The following NPAS3 variants were observed in gnomAD, a reference collection of about 807,000 sequenced individuals.
NPAS3 encodes neuronal PAS domain protein 3, also known as neuronal PAS domain-containing protein 3.
In NPAS3, 14 loss-of-function variants were observed where a neutral mutation model predicts 73.1. That is an observed-to-expected ratio of 0.19 (90% CI 0.13 to 0.30). The LOEUF is 0.30. Among genes scored for constraint, NPAS3 ranks in the 10% least tolerant of loss-of-function variants. The pLI is 1.00. For synonymous variants in NPAS3, 620 were observed against 541.5 expected (o/e 1.14, Z -2.01); for missense variants, 1,096 against 1,250.0 (o/e 0.88, Z 1.86).
intron 5 of NPAS3, among the ~76,000 whole-genome samples, chr14:33,649,023 G>A (rs2058914158): frequency 6.6e-6 from 1 of 152,120 alleles, no homozygotes; most frequent in Non-Finnish European, 1.5e-5. Flanking sequence ...CTTACCATTG[G>A]GAGGTAGAGG....
At chr14:33,170,465 G>C (rs1261624150) in intron 2 of NPAS3, among the ~76,000 whole-genome samples, 1 of 152,126 alleles carries the variant, frequency 6.6e-6, no homozygotes, top group Non-Finnish European at 1.5e-5. Flanking sequence ...CTTAAAACAA[G>C]ACAATGATGA....
intron 7 of NPAS3, among the ~76,000 whole-genome samples, chr14:33,753,528 A>G (rs1286709556): frequency 6.6e-6 from 1 of 152,126 alleles, no homozygotes; most frequent in East Asian, 1.9e-4. Flanking sequence ...TAAGTAATGA[A>G]CCTTCCAGAG....
At chr14:33,010,493 A>G (rs892328765) in intron 1 of NPAS3, among the ~76,000 whole-genome samples, 2 of 152,236 alleles carry the variant, frequency 1.3e-5, no homozygotes, top group Admixed American at 6.5e-5. Flanking sequence ...GTCATTGATA[A>G]GTTCTTGGAA....
chr14:32,997,991 A>C (rs2038652560), intron 1 of NPAS3, among the ~76,000 whole-genome samples: 1 of 152,204 alleles, frequency 6.6e-6, no homozygotes, highest in Non-Finnish European at 1.5e-5. Context: ...AGTTAAACAT[A>C]GAATTACCTT....
intron 5 of NPAS3, among the ~76,000 whole-genome samples, chr14:33,643,461 G>A (rs1027620508): frequency 6.6e-6 from 1 of 150,612 alleles, no homozygotes; most frequent in Non-Finnish European, 1.5e-5. Flanking sequence ...TAAAATATTA[G>A]GATTAGAAGT....
At chr14:33,241,648 C>T (rs2048217188) in intron 3 of NPAS3, among the ~76,000 whole-genome samples, 1 of 151,944 alleles carries the variant, frequency 6.6e-6, no homozygotes, top group Non-Finnish European at 1.5e-5. Context: ...ACAAATGGAA[C>T]ATTATTGGCT....
chr14:33,087,472 T>C (rs1262223491), intron 2 of NPAS3, among the ~76,000 whole-genome samples: 1 of 151,920 alleles, frequency 6.6e-6, no homozygotes, highest in Non-Finnish European at 1.5e-5. Flanking sequence ...TAGAAAGTAA[T>C]AAGTATCTCA....
At chr14:33,025,953 A>T (rs995181794) in intron 1 of NPAS3, among the ~76,000 whole-genome samples, 2 of 152,214 alleles carry the variant, frequency 1.3e-5, no homozygotes, top group African/African-American at 4.8e-5. Flanking sequence ...TAGGTTCCAT[A>T]GGGAATTGTC....
intron 4 of NPAS3, among the ~76,000 whole-genome samples, chr14:33,466,180 G>A (rs2050517598): frequency 6.6e-6 from 1 of 152,072 alleles, no homozygotes; most frequent in Non-Finnish European, 1.5e-5. Context: ...AGCAAGAGAG[G>A]GACCATGGCC....
At chr14:33,326,793 C>A (rs2043729235) in intron 3 of NPAS3, among the ~76,000 whole-genome samples, 1 of 152,128 alleles carries the variant, frequency 6.6e-6, no homozygotes, top group Non-Finnish European at 1.5e-5. Context: ...CAAAGACAGA[C>A]CACAGGTTCC....
intron 3 of NPAS3, among the ~76,000 whole-genome samples, chr14:33,256,106 A>G (rs2048771143): frequency 6.6e-6 from 1 of 152,206 alleles, no homozygotes; most frequent in African/African-American, 2.4e-5. Context: ...TAAGTAACAT[A>G]CAGCATTTGT....
intron 2 of NPAS3, among the ~76,000 whole-genome samples, chr14:33,101,144 C>T (rs958385678): frequency 1.3e-5 from 2 of 152,124 alleles, no homozygotes; most frequent in East Asian, 1.9e-4. Flanking sequence ...CCCCCACACA[C>T]ACCTGCACAC....
In NPAS3 at chr14:33,268,215, C is replaced by A. The variant is rs546373664; in HGVS notation, c.385+52789C>A. Among the ~76,000 whole-genome samples, 343 of 152,132 alleles carry A rather than the reference C, an allele frequency of 2.3e-3. 1 individual carries two copies. Among genetic ancestry groups the A allele is most frequent in the Non-Finnish European group, 3.6e-3 (246 of 68,000 alleles). Reference sequence around the variant, plus strand: ...AGTCCCAGGACAGCATTTCTGCTGCCTTTTTGATCTGAAGTCTTGGAGCCT... The same window carrying A: ...AGTCCCAGGACAGCATTTCTGCTGCATTTTTGATCTGAAGTCTTGGAGCCT... On this transcript the variant is annotated intron_variant, in intron 3 of 11. Coordinates refer to ENST00000356141, the Ensembl canonical transcript of NPAS3.
At chr14:33,547,054 A>G (rs1415126429) in intron 4 of NPAS3, among the ~76,000 whole-genome samples, 3 of 152,186 alleles carry the variant, frequency 2.0e-5, no homozygotes, top group African/African-American at 7.2e-5. Context: ...TTAACCTGTA[A>G]TGAGAGTAGA....
intron 4 of NPAS3, among the ~76,000 whole-genome samples, chr14:33,411,168 T>G (rs933824293): frequency 1.3e-5 from 2 of 152,136 alleles, no homozygotes; most frequent in African/African-American, 4.8e-5. Flanking sequence ...TTTGGCAATG[T>G]CTGGAGGCTT....
intron 2 of NPAS3, among the ~76,000 whole-genome samples, chr14:33,156,866 G>T (rs541705515): frequency 2.0e-5 from 3 of 152,022 alleles, no homozygotes; most frequent in Non-Finnish European, 4.4e-5. Flanking sequence ...AATATATTTC[G>T]CAATGAGCTC....
chr14:33,216,251 A>C (rs1330743128), intron 3 of NPAS3, among the ~76,000 whole-genome samples: 3 of 152,204 alleles, frequency 2.0e-5, no homozygotes, highest in Non-Finnish European at 4.4e-5. Context: ...ATGAAATAAA[A>C]CTGGGCATTT....
At chr14:33,430,256 C>T (rs1187131951) in intron 4 of NPAS3, among the ~76,000 whole-genome samples, 3 of 152,142 alleles carry the variant, frequency 2.0e-5, no homozygotes, top group South Asian at 4.1e-4. Flanking sequence ...CTCCCCCATT[C>T]TTCTTTTCCT....
At chr14:33,126,164 G>A (rs181012965) in intron 2 of NPAS3, among the ~76,000 whole-genome samples, 287 of 152,232 alleles carry the variant, frequency 1.9e-3, no homozygotes, top group Non-Finnish European at 3.4e-3. Context: ...AAAATTAATC[G>A]ACTTTTCAGT....
Sources: allele counts gnomAD v4.1 joint callset (sites outside exome capture counted in the v4.1 genomes callset), GRCh38; gene constraint gnomAD v4.1.1; transcripts MANE v1.5; gene names NCBI Gene and HGNC (gene_info 2026-07-23, HGNC 2026-07-21).